CDC42BPA: variants seen among roughly 807,000 people sequenced by gnomAD.
CDC42BPA encodes CDC42 binding protein kinase alpha.
CDC42BPA carries 80 observed loss-of-function variants against 223.5 expected under a neutral mutation model. The observed-to-expected ratio is 0.36, with a 90% CI of 0.30 to 0.43. CDC42BPA has a LOEUF of 0.43. Ranked by LOEUF, CDC42BPA falls within the 20% of genes least tolerant of loss-of-function variation. The pLI is 1.00. For missense variants in CDC42BPA, 1,743 were observed against 2,099.9 expected (o/e 0.83, Z 3.32); for synonymous variants, 694 against 718.6 (o/e 0.97, Z 0.55).
intron 5 of CDC42BPA, among the ~76,000 whole-genome samples, chr1:227,163,014 G>A (rs76931995): frequency 0.56 from 74,123 of 132,538 alleles, 19,128 homozygotes; most frequent in South Asian, 0.63. Context: ...GTTTCCAAAC[G>A]TGTATGTTTC....
intron 22 of CDC42BPA, among the ~76,000 whole-genome samples, chr1:227,048,692 T>A (rs1450708097): frequency 7.1e-6 from 1 of 140,472 alleles, no homozygotes; most frequent in Non-Finnish European, 1.5e-5. Context: ...AAAGAACCAA[T>A]CATTCCACTG....
chr1:227,102,893 C>T (rs1226262109), intron 14 of CDC42BPA, among the ~76,000 whole-genome samples: 1 of 151,900 alleles, frequency 6.6e-6, no homozygotes, highest in Non-Finnish European at 1.5e-5. Context: ...AGTATGTACC[C>T]CTACCCAATA....
intron 2 of CDC42BPA, among the ~76,000 whole-genome samples, chr1:227,215,351 A>G (rs570614565): frequency 6.6e-6 from 1 of 152,294 alleles, no homozygotes; most frequent in East Asian, 1.9e-4. Context: ...TTAGCTGTAT[A>G]ACTCTAGGCA....
intron 1 of CDC42BPA, among the ~76,000 whole-genome samples, chr1:227,297,657 T>C (rs963847747): frequency 7.9e-5 from 12 of 152,012 alleles, no homozygotes; most frequent in Non-Finnish European, 1.5e-5. Flanking sequence ...ACCTTACGAA[T>C]AGCATGCTAA....
chr1:227,198,241 A>C (rs1447495306), intron 4 of CDC42BPA, among the ~76,000 whole-genome samples: 1 of 151,910 alleles, frequency 6.6e-6, no homozygotes, highest in Non-Finnish European at 1.5e-5. Context: ...ACTTGAAGCC[A>C]AGAGTTCAAG....
chr1:227,270,743 C>T (rs183240320), intron 1 of CDC42BPA, among the ~76,000 whole-genome samples: 69 of 152,278 alleles, frequency 4.5e-4, no homozygotes, highest in Admixed American at 1.8e-3. Context: ...CATCCCCTCC[C>T]CGACCCACCA....
rs16846944 is a variant in CDC42BPA at position 227,071,339 on chromosome 1, G to A, written c.2827+869C>T. Among the ~76,000 whole-genome samples the A allele has an allele frequency of 2.6e-3, 392 of 151,916 alleles. 9 individuals carry two copies. The East Asian group carries it at 0.047, about 18-fold the overall frequency. The stretch of plus-strand genomic sequence containing the variant: ...ATTAACGAGTTCAGTATTCAGTGAT[G>A]GCCTTTGTCAGGAAAATCAATTTCA... On this transcript the variant is annotated intron_variant, in intron 20 of 36. Coordinates refer to ENST00000366766, the MANE Select transcript of CDC42BPA (RefSeq NM_001394014.1).
chr1:227,286,132 T>G (rs1022043343), intron 1 of CDC42BPA, among the ~76,000 whole-genome samples: 3 of 152,062 alleles, frequency 2.0e-5, no homozygotes, highest in African/African-American at 7.3e-5. Flanking sequence ...CTTGGATTCC[T>G]CTCCTGAAAA....
intron 3 of CDC42BPA, among the ~76,000 whole-genome samples, chr1:227,211,746 T>C (rs966957560): frequency 6.6e-6 from 1 of 151,294 alleles, no homozygotes; most frequent in African/African-American, 2.4e-5. Context: ...AGTGGAATAA[T>C]ACATTGCAGA....
chr1:227,261,118 G>GTTTTTTTTTTTTTTTTT (rs1351313489), intron 1 of CDC42BPA, among the ~76,000 whole-genome samples: 3 of 51,122 alleles, frequency 5.9e-5, no homozygotes, highest in African/African-American at 1.4e-4. Context: ...GAATAATTGA[G>GTTTTTTTTTTTTTTTTT]TTTTTCTTTT....
chr1:227,245,858 A>G (rs955723299), intron 2 of CDC42BPA, among the ~76,000 whole-genome samples: 1 of 152,194 alleles, frequency 6.6e-6, no homozygotes, highest in African/African-American at 2.4e-5. Context: ...GTCTGAGACT[A>G]CTTGCTTCAA....
At chr1:227,173,217 C>A (rs1364541060) in intron 5 of CDC42BPA, among the ~76,000 whole-genome samples, 1 of 152,176 alleles carries the variant, frequency 6.6e-6, no homozygotes, top group Non-Finnish European at 1.5e-5. Flanking sequence ...CAAACCGATA[C>A]TATTGCTGTA....
chr1:227,271,905 A>G (rs1406120733), intron 1 of CDC42BPA, among the ~76,000 whole-genome samples: 1 of 152,198 alleles, frequency 6.6e-6, no homozygotes, highest in Non-Finnish European at 1.5e-5. Flanking sequence ...CAACTGGTTC[A>G]CCATAAATTT....
chr1:227,163,188 GTA>G (rs1664423992), intron 5 of CDC42BPA, among the ~76,000 whole-genome samples: 1 of 151,134 alleles, frequency 6.6e-6, no homozygotes, highest in Non-Finnish European at 1.5e-5. Flanking sequence ...ACATATGTGT[GTA>G]TGTTTCCAAA....
intron 1 of CDC42BPA, among the ~76,000 whole-genome samples, chr1:227,273,994 C>CAAAAA (rs1686464890): frequency 5.2e-5 from 1 of 19,282 alleles, no homozygotes; most frequent in Non-Finnish European, 9.4e-5. Flanking sequence ...TTCGTATACA[C>CAAAAA]CAAAAAAAAA....
intron 2 of CDC42BPA, among the ~76,000 whole-genome samples, chr1:227,244,500 G>GT (rs1553414404): frequency 6.6e-6 from 1 of 150,472 alleles, no homozygotes; most frequent in Non-Finnish European, 1.5e-5. Context: ...ATGGTGGGGG[G>GT]GGGCAATGGG....
chr1:227,313,639 A>G (rs1157614753), intron 1 of CDC42BPA, among the ~76,000 whole-genome samples: 3 of 73,242 alleles, frequency 4.1e-5, no homozygotes, highest in African/African-American at 1.7e-4. Context: ...CGGACTGATT[A>G]ATTAATAAAT....
intron 16 of CDC42BPA, 123 bp downstream of exon 16, chr1:227,091,763 A>G (rs531132907): frequency 9.4e-6 from 5 of 531,882 alleles, no homozygotes; most frequent in Non-Finnish European, 1.3e-5. Flanking sequence ...TAGAAGCAAC[A>G]TAACTCAGGA....
intron 2 of CDC42BPA, chr1:227,235,406 T>G (rs1678823263): frequency 6.6e-6 from 1 of 152,234 alleles, no homozygotes; most frequent in Non-Finnish European, 1.5e-5. Context: ...TTCTTAAATA[T>G]GGCGAGTTGA....
Sources: allele counts gnomAD v4.1 joint callset (sites outside exome capture counted in the v4.1 genomes callset), GRCh38; gene constraint gnomAD v4.1.1; transcripts MANE v1.5; gene names NCBI Gene and HGNC (gene_info 2026-07-23, HGNC 2026-07-21).